The following JMJD1C variants were observed in gnomAD, a reference collection of about 807,000 sequenced individuals.
JMJD1C encodes the protein jumonji domain containing 1C.
Under a neutral mutation model 245.3 loss-of-function variants are expected in JMJD1C, and 31 were observed. That is an observed-to-expected ratio of 0.13 (90% CI 0.09 to 0.17). The LOEUF (loss-of-function observed/expected upper bound fraction) is 0.17. JMJD1C is among the 10% of genes least tolerant of loss of function. JMJD1C has a pLI of 1.00. For missense variants in JMJD1C, 2,691 were observed against 3,000.2 expected (o/e 0.90, Z 2.41); for synonymous variants, 1,057 against 1,017.4 (o/e 1.04, Z -0.74).
chr10:63,202,125 G>A lies in JMJD1C; in HGVS notation c.5075-1448C>T, dbSNP rs138622885. 2.7e-3 allele frequency: 486 copies of A among 177,720 alleles called. 4 individuals carry two copies. Among genetic ancestry groups the A allele is most frequent in the African/African-American group, 0.011 (448 of 40,642 alleles). The allele number at this position is 177,720 out of a possible 1,614,324, so 11.0% of individuals were successfully genotyped here. A position where few individuals can be genotyped will look rare whatever the true frequency, so the allele number is the denominator to read the frequency against. On this transcript the variant is annotated intron_variant, in intron 10 of 25. Transcript: ENST00000399262. ...AAAAATTAGCCAGGCGCGGTAGCAC[G>A]CACCTGTAATTCCAGCTACTCGGGA...
rs1216892969 is a variant in JMJD1C, at chr10:63,203,796, TAATTATAC to T, written c.5074+2791_5074+2798del. ...TATGTGTATGTGTATATAAAATATA[TAATTATAC>T]ATGTATAACGGTGTATGTAATCATA... On this transcript the variant is annotated intron_variant, in intron 10 of 25. Coordinates refer to ENST00000399262, the MANE Select transcript of JMJD1C (RefSeq NM_032776.3). The T allele has an allele frequency of 3.3e-5, 32 of 959,410 alleles. No homozygotes were observed. The African/African-American group carries it at 5.6e-4, about 17-fold the overall frequency. 59.4% of individuals were successfully genotyped at this position (959,410 alleles called of 1,614,324 possible).
chr10:63,471,308 A>G (rs1953485715), intron 1 of JMJD1C, among the ~76,000 whole-genome samples: 1 of 152,232 alleles, frequency 6.6e-6, no homozygotes, highest in Non-Finnish European at 1.5e-5. Context: ...CCAATGTAAA[A>G]TCTAAACTAA....
chr10:63,213,732 T>C lies in JMJD1C; in HGVS notation c.2435A>G (p.His812Arg). The change falls in exon 8 of 26, where the codon CAC (histidine) becomes CGC (arginine). Residue 812 changes from histidine (H) to arginine (R), a missense_variant. Around this residue, in one of 9 missense-constraint regions of JMJD1C, gnomAD observed 1,562 missense variants for 1,490.7 expected, o/e 1.05. Transcript: ENST00000399262. Reference protein sequence around the residue: ...GVPTASLLGGHPRLESAHASS... With the variant: ...GVPTASLLGGRPRLESAHASS... ...GGCATGAGCACTCTCTAGTCGTGGG[T>C]GGCCACCAAGTAAGGAGGCAGTAGG... The C allele has an allele frequency of 6.2e-7, 1 of 1,614,176 alleles. No homozygotes were observed. The highest frequency in any genetic ancestry group is 1.1e-5 in the South Asian group (1 of 91,084).
At chr10:63,187,330 T>G (rs1158926427) in intron 18 of JMJD1C, among the ~76,000 whole-genome samples, 2 of 152,214 alleles carry the variant, frequency 1.3e-5, no homozygotes, top group Non-Finnish European at 2.9e-5. Context: ...ATTGCTGCTA[T>G]TAGGGTAATC....
At chr10:63,258,802 A>T (rs1854318682) in intron 3 of JMJD1C, among the ~76,000 whole-genome samples, 1 of 152,108 alleles carries the variant, frequency 6.6e-6, no homozygotes, top group African/African-American at 2.4e-5. Context: ...CTTGACAATA[A>T]GATAAAGATC....
rs1004440546 is a variant in JMJD1C at position 63,234,724 on chromosome 10, G to T, written c.448-14741C>A. 3.5e-5 allele frequency among the ~76,000 whole-genome samples: 5 copies of T among 144,390 alleles called. No homozygotes were observed. In the South Asian group the frequency reaches 1.1e-3, roughly 31 times the overall value. The allele number at this position is 144,390 out of a possible 152,430, so 94.7% of individuals were successfully genotyped here. ...AAGGCGGGAGGATCACTTGAGGTCA[G>T]GAGTTCAAGACTAACCTAGGAAACA... is the stretch of plus-strand genomic sequence containing the variant. On this transcript the variant is annotated intron_variant, in intron 3 of 25. Coordinates refer to ENST00000399262, the MANE Select transcript of JMJD1C (RefSeq NM_032776.3).
chr10:63,328,760 T>G (rs1339778541), intron 2 of JMJD1C, among the ~76,000 whole-genome samples: 1 of 152,238 alleles, frequency 6.6e-6, no homozygotes, highest in East Asian at 1.9e-4. Flanking sequence ...ATAAGTAGAA[T>G]TACACAAAAA....
At chr10:63,496,862 C>T (rs1026526206) in intron 1 of JMJD1C, among the ~76,000 whole-genome samples, 56 of 152,198 alleles carry the variant, frequency 3.7e-4, no homozygotes, top group African/African-American at 1.2e-3. Flanking sequence ...CATGTTTCCA[C>T]TAGTTCTGTT....
At position 63,252,408 on chromosome 10, in the gene JMJD1C, T is replaced by C. The variant is rs117885609; in HGVS notation, c.447+12243A>G. On this transcript the variant is annotated intron_variant, in intron 3 of 25. Coordinates refer to ENST00000399262, the MANE Select transcript of JMJD1C (RefSeq NM_032776.3). ...ACATGGATAGGTTTAATCCAATCAG[T>C]TGAAGGCCTTAAGAAAAAAGACTAA... Among the ~76,000 whole-genome samples the C allele has an allele frequency of 4.9e-4, 74 of 152,258 alleles. No individual in the cohort carries two copies. The East Asian group carries it at 0.014, about 29-fold the overall frequency.
intron 2 of JMJD1C, among the ~76,000 whole-genome samples, chr10:63,332,471 G>A (rs979505590): frequency 1.3e-5 from 2 of 152,200 alleles, no homozygotes; most frequent in Non-Finnish European, 2.9e-5. Context: ...TGGAGGAATA[G>A]ACTGTAACCT....
At chr10:63,292,533 C>A (rs926548894) in intron 2 of JMJD1C, among the ~76,000 whole-genome samples, 1 of 151,988 alleles carries the variant, frequency 6.6e-6, no homozygotes, top group South Asian at 2.1e-4. Flanking sequence ...ATTGCTTGAA[C>A]CCGGGAAGCA....
intron 2 of JMJD1C, among the ~76,000 whole-genome samples, chr10:63,290,637 C>A (rs1049547465): frequency 6.6e-6 from 1 of 152,126 alleles, no homozygotes; most frequent in African/African-American, 2.4e-5. Flanking sequence ...TGGCAAGACA[C>A]AAACAAAATA....
chr10:63,493,249 C>CTTTTTTT lies in JMJD1C; in HGVS notation n.113+28482_113+28488dup, dbSNP rs752941477. On this transcript the variant is annotated intron_variant and non_coding_transcript_variant, in intron 1 of 3. Transcript: ENST00000633035. ...GTAGATGGGAACAAAACTGTTATTT[C>CTTTTTTT]TTTTTTTTTTTTTTTTTTTTTTTTT... 8.8e-3 allele frequency among the ~76,000 whole-genome samples: 435 copies of CTTTTTTT among 49,190 alleles called. 34 individuals carry two copies. The highest frequency in any genetic ancestry group is 9.9e-3 in the African/African-American group (116 of 11,702). 32.3% of individuals were successfully genotyped at this position (49,190 alleles called of 152,430 possible).
At chr10:63,351,442 T>C (rs1183671720) in intron 2 of JMJD1C, among the ~76,000 whole-genome samples, 1 of 152,200 alleles carries the variant, frequency 6.6e-6, no homozygotes, top group African/African-American at 2.4e-5. Flanking sequence ...TTCCAATATA[T>C]GTATTAAATT....
chr10:63,171,946 T>G (rs1420966756), intron 24 of JMJD1C, among the ~76,000 whole-genome samples: 1 of 152,234 alleles, frequency 6.6e-6, no homozygotes, highest in Non-Finnish European at 1.5e-5. Flanking sequence ...TTGAATTTTC[T>G]CTTAAAACTG....
chr10:63,215,749 A>G (rs1847902874), intron 5 of JMJD1C, 53 bp from the exon 6 acceptor site: 3 of 1,231,510 alleles, frequency 2.4e-6, no homozygotes, highest in Non-Finnish European at 3.3e-6. Flanking sequence ...AGCTAATCAA[A>G]TATTTGGTAT....
At chr10:63,394,282 A>G (rs1948306358) in intron 1 of JMJD1C, among the ~76,000 whole-genome samples, 1 of 152,172 alleles carries the variant, frequency 6.6e-6, no homozygotes, top group Admixed American at 6.5e-5. Flanking sequence ...AAACAGATCC[A>G]AACAGAACTG....
intron 1 of JMJD1C, among the ~76,000 whole-genome samples, chr10:63,445,549 T>A (rs1399330879): frequency 6.6e-6 from 1 of 152,188 alleles, no homozygotes. Flanking sequence ...GTGGAATGAC[T>A]GGAAAGCAGG....
At chr10:63,327,433 T>C (rs944844927) in intron 2 of JMJD1C, among the ~76,000 whole-genome samples, 3 of 152,130 alleles carry the variant, frequency 2.0e-5, no homozygotes, top group African/African-American at 7.2e-5. Context: ...TATATGTATA[T>C]TTCCCCCACC....
Sources: allele counts gnomAD v4.1 joint callset (sites outside exome capture counted in the v4.1 genomes callset), GRCh38; gene constraint gnomAD v4.1.1; regional missense constraint gnomAD v4.1.1; transcripts MANE v1.5; gene names NCBI Gene and HGNC (gene_info 2026-07-23, HGNC 2026-07-21).